DARS1: variants seen among roughly 807,000 people sequenced by gnomAD.
DARS1 encodes the protein aspartate--tRNA ligase, cytoplasmic.
A neutral mutation model predicts 68.8 loss-of-function variants in DARS1; 51 were observed. That is an observed-to-expected ratio of 0.74 (90% confidence interval 0.59 to 0.94). The LOEUF is 0.94. DARS1 is among the 40% of genes least tolerant of loss of function. The probability of loss-of-function intolerance (pLI) is 0.00; values close to 1 mark genes in which losing one functional copy is unlikely to be tolerated. For synonymous variants in DARS1, 203 were observed against 190.4 expected (o/e 1.07, Z -0.55); for missense variants, 607 against 597.3 (o/e 1.02, Z -0.17).
intron 2 of DARS1, among the ~76,000 whole-genome samples, chr2:135,982,154 T>C (rs1253631660): frequency 6.6e-6 from 1 of 152,136 alleles, no homozygotes; most frequent in Non-Finnish European, 1.5e-5. Context: ...ATTTGAAGTG[T>C]CTACCAAAAG....
intron 7 of DARS1, among the ~76,000 whole-genome samples, chr2:135,928,467 C>T (rs1431443057): frequency 1.3e-5 from 2 of 151,524 alleles, no homozygotes; most frequent in Non-Finnish European, 2.9e-5. Flanking sequence ...ATTTCAGCCT[C>T]CTGAGTAGCT....
intron 4 of DARS1, among the ~76,000 whole-genome samples, chr2:135,948,572 T>C (rs940044056): frequency 1.1e-4 from 17 of 152,234 alleles, no homozygotes; most frequent in African/African-American, 3.4e-4. Flanking sequence ...CCAGATCTAA[T>C]AGTTAATGTA....
intron 1 of DARS1, 90 bp downstream of exon 1, chr2:135,985,313 C>A (rs1682751563): frequency 5.3e-6 from 8 of 1,515,164 alleles, no homozygotes; most frequent in Non-Finnish European, 7.1e-6. Context: ...CCGACAAGGA[C>A]CTGTAGGGCC....
chr2:135,914,542 A>C, intron 11 of DARS1, 31 bp from the exon 12 acceptor site: 1 of 1,163,400 alleles, frequency 8.6e-7, no homozygotes, highest in Non-Finnish European at 1.3e-6. Context: ...CAGTGTTTGA[A>C]GATCAAATGG....
At chr2:135,943,341 A>G (rs910179201) in intron 5 of DARS1, 37 bp downstream of exon 5, 1 of 1,595,068 alleles carries the variant, frequency 6.3e-7, no homozygotes, top group Admixed American at 1.8e-5. Flanking sequence ...ACCCAAATCT[A>G]TTTCTATATG....
intron 7 of DARS1, among the ~76,000 whole-genome samples, chr2:135,928,014 A>C (rs1681261755): frequency 6.6e-6 from 1 of 152,214 alleles, no homozygotes; most frequent in South Asian, 2.1e-4. Context: ...CATGGAGAGA[A>C]GTAAGGGTGT....
intron 5 of DARS1, among the ~76,000 whole-genome samples, chr2:135,938,654 AT>A (rs1433700019): frequency 6.6e-6 from 1 of 152,226 alleles, no homozygotes; most frequent in Non-Finnish European, 1.5e-5. Context: ...AAATTCACAC[AT>A]AACAATATTA....
At chr2:135,969,665 GA>G (rs1200648241) in intron 3 of DARS1, among the ~76,000 whole-genome samples, 13 of 148,734 alleles carry the variant, frequency 8.7e-5, no homozygotes, top group Non-Finnish European at 1.8e-4. Context: ...TTTATTCAAA[GA>G]ATCTAAAAAT....
chr2:135,911,051 G>A (rs187084484), intron 15 of DARS1, 88 bp downstream of exon 15: 20 of 651,632 alleles, frequency 3.1e-5, no homozygotes, highest in Non-Finnish European at 3.9e-5. Flanking sequence ...CACTTATGTC[G>A]TAATTCACTT....
intron 3 of DARS1, among the ~76,000 whole-genome samples, chr2:135,966,336 A>G (rs1383919287): frequency 6.6e-6 from 1 of 152,150 alleles, no homozygotes; most frequent in East Asian, 1.9e-4. Flanking sequence ...CTATTTTAAG[A>G]AGCAAATATA....
At chr2:135,924,339 G>A (rs1384991337) in intron 8 of DARS1, 48 bp downstream of exon 8, 2 of 1,520,038 alleles carry the variant, frequency 1.3e-6, no homozygotes, top group Non-Finnish European at 1.8e-6. Flanking sequence ...CAACTCTGGG[G>A]AGAGCAAATT....
intron 11 of DARS1, among the ~76,000 whole-genome samples, chr2:135,915,553 C>T (rs1198081556): frequency 1.3e-5 from 2 of 152,124 alleles, no homozygotes; most frequent in African/African-American, 2.4e-5. Flanking sequence ...TCTCAAAGTA[C>T]TGGGATTACA....
chr2:135,944,197 T>A (rs1167313948), intron 4 of DARS1, among the ~76,000 whole-genome samples: 2 of 152,200 alleles, frequency 1.3e-5, no homozygotes, highest in African/African-American at 4.8e-5. Flanking sequence ...ATTATTTTTT[T>A]AATCACTAGT....
At chr2:135,922,393 T>C (rs531808837) in intron 9 of DARS1, among the ~76,000 whole-genome samples, 27 of 152,338 alleles carry the variant, frequency 1.8e-4, no homozygotes, top group Admixed American at 1.6e-3. Context: ...AATTCTGTTC[T>C]AACTGCACTG....
At chr2:135,917,768 G>A (rs1227273097) in intron 10 of DARS1, among the ~76,000 whole-genome samples, 1 of 151,902 alleles carries the variant, frequency 6.6e-6, no homozygotes, top group Non-Finnish European at 1.5e-5. Flanking sequence ...TGTGCACCAT[G>A]CCCGGCCTAG....
At chr2:135,928,727 A>G (rs529574605) in intron 7 of DARS1, among the ~76,000 whole-genome samples, 1 of 149,706 alleles carries the variant, frequency 6.7e-6, no homozygotes, top group South Asian at 2.1e-4. Flanking sequence ...CTAGAGTGCA[A>G]TGGCGTGATC....
chr2:135,978,994 C>A, intron 3 of DARS1: 1 of 264,624 alleles, frequency 3.8e-6, no homozygotes, highest in Non-Finnish European at 6.9e-6. Flanking sequence ...TTTAGCTACT[C>A]CTTCTCCAGC....
chr2:135,944,170 G>A (rs767570790), intron 4 of DARS1, among the ~76,000 whole-genome samples: 1 of 152,192 alleles, frequency 6.6e-6, no homozygotes. Flanking sequence ...TTATAAAGTA[G>A]CTTATTAAAC....
chr2:135,919,267 G>A (rs889140819), intron 10 of DARS1, among the ~76,000 whole-genome samples: 2 of 152,124 alleles, frequency 1.3e-5, no homozygotes, highest in African/African-American at 4.8e-5. Flanking sequence ...CTGACCTCAA[G>A]TGATCCGCCT....
Sources: gnomAD v4.1 joint callset for allele counts (sites outside exome capture counted in the v4.1 genomes callset) on GRCh38, gnomAD v4.1.1 for gene constraint, MANE v1.5 for transcripts, NCBI Gene and HGNC (gene_info 2026-07-23, HGNC 2026-07-21) for gene names.